CLSTN2: variants seen among roughly 807,000 people sequenced by gnomAD.
The protein encoded by CLSTN2 is calsyntenin-2.
A neutral mutation model predicts 101.2 loss-of-function variants in CLSTN2; 48 were observed. The ratio of observed to expected loss-of-function variants is 0.47; its 90% CI spans 0.38 to 0.60. The LOEUF is 0.60. Among genes scored for constraint, CLSTN2 ranks in the 20% least tolerant of loss-of-function variants. CLSTN2 has a pLI of 0.00. For synonymous variants in CLSTN2, 481 were observed against 463.6 expected (o/e 1.04, Z -0.48); for missense variants, 1,160 against 1,238.2 (o/e 0.94, Z 0.95).
intron 1 of CLSTN2, among the ~76,000 whole-genome samples, chr3:140,174,479 A>G (rs2010290290): frequency 3.3e-5 from 5 of 152,144 alleles, no homozygotes; most frequent in Admixed American, 3.3e-4. Context: ...AGTCACTTCC[A>G]CATTTTTGGG....
chr3:139,997,449 A>G (rs1234434138), intron 1 of CLSTN2, among the ~76,000 whole-genome samples: 1 of 152,242 alleles, frequency 6.6e-6, no homozygotes. Flanking sequence ...TTGCAGCTCC[A>G]TGGAGTGAAT....
chr3:140,348,871 C>T (rs1005003321), intron 2 of CLSTN2, among the ~76,000 whole-genome samples: 1 of 152,236 alleles, frequency 6.6e-6, no homozygotes. Context: ...AGTCTCTCCC[C>T]TGTTCTCCCA....
chr3:140,125,015 T>C (rs895790581), intron 1 of CLSTN2, among the ~76,000 whole-genome samples: 1 of 152,058 alleles, frequency 6.6e-6, no homozygotes, highest in African/African-American at 2.4e-5. Flanking sequence ...GAGTGATCCT[T>C]GCAGCAGTTG....
intron 1 of CLSTN2, among the ~76,000 whole-genome samples, chr3:140,108,780 A>C (rs556519545): frequency 6.6e-6 from 1 of 152,190 alleles, no homozygotes; most frequent in East Asian, 1.9e-4. Flanking sequence ...TAAATATGCT[A>C]TGTTCCCTCT....
At chr3:140,190,738 T>A (rs1217079258) in intron 2 of CLSTN2, among the ~76,000 whole-genome samples, 1 of 152,168 alleles carries the variant, frequency 6.6e-6, no homozygotes, top group African/African-American at 2.4e-5. Flanking sequence ...CATATAGACA[T>A]ACAATTTTTT....
intron 8 of CLSTN2, among the ~76,000 whole-genome samples, chr3:140,503,791 T>C (rs1934630459): frequency 6.6e-6 from 1 of 152,204 alleles, no homozygotes; most frequent in Non-Finnish European, 1.5e-5. Context: ...TTTTCTTGAT[T>C]CGGCTATAGC....
At chr3:140,422,744 C>T (rs1282529919) in intron 5 of CLSTN2, among the ~76,000 whole-genome samples, 3 of 152,164 alleles carry the variant, frequency 2.0e-5, no homozygotes, top group African/African-American at 4.8e-5. Flanking sequence ...GGAGCCTGAG[C>T]TCTGATTGGC....
At chr3:140,045,941 C>T (rs955022837) in intron 1 of CLSTN2, among the ~76,000 whole-genome samples, 5 of 152,098 alleles carry the variant, frequency 3.3e-5, no homozygotes, top group African/African-American at 4.8e-5. Context: ...CTTCCAACTA[C>T]GTGGTCAGTT....
chr3:140,204,798 G>C (rs528146555), intron 2 of CLSTN2, among the ~76,000 whole-genome samples: 1 of 152,146 alleles, frequency 6.6e-6, no homozygotes, highest in Non-Finnish European at 1.5e-5. Flanking sequence ...TATTCCCCTG[G>C]TTACTGCCAC....
chr3:140,436,122 G>T (rs2088685272), intron 5 of CLSTN2, among the ~76,000 whole-genome samples: 1 of 152,192 alleles, frequency 6.6e-6, no homozygotes, highest in Non-Finnish European at 1.5e-5. Flanking sequence ...TGTTGCCTGT[G>T]CTTGTGGGGT....
chr3:140,453,480 G>C (rs150812238), intron 6 of CLSTN2, among the ~76,000 whole-genome samples: 1 of 152,296 alleles, frequency 6.6e-6, no homozygotes, highest in East Asian at 1.9e-4. Context: ...TGAGTACTCA[G>C]ATGCTGTGCC....
intron 1 of CLSTN2, among the ~76,000 whole-genome samples, chr3:140,015,620 G>C (rs1048553738): frequency 2.0e-5 from 3 of 152,340 alleles, no homozygotes; most frequent in African/African-American, 7.2e-5. Flanking sequence ...CTAGTTGGAG[G>C]AACATCATGG....
intron 1 of CLSTN2, among the ~76,000 whole-genome samples, chr3:140,032,117 A>G (rs1009633516): frequency 3.3e-5 from 5 of 152,204 alleles, no homozygotes; most frequent in Admixed American, 2.0e-4. Context: ...CCATGAACAT[A>G]TTGCATAGAC....
intron 2 of CLSTN2, among the ~76,000 whole-genome samples, chr3:140,281,016 G>A (rs766462205): frequency 6.6e-6 from 1 of 152,192 alleles, no homozygotes; most frequent in Non-Finnish European, 1.5e-5. Context: ...CACATAATTA[G>A]CAATATCTGT....
At chr3:139,983,988 T>A (rs1935980621) in intron 1 of CLSTN2, among the ~76,000 whole-genome samples, 1 of 152,246 alleles carries the variant, frequency 6.6e-6, no homozygotes, top group Non-Finnish European at 1.5e-5. Context: ...CTTACATTTC[T>A]TTCTTTCATT....
At chr3:140,088,942 T>C (rs2008723088) in intron 1 of CLSTN2, among the ~76,000 whole-genome samples, 1 of 152,236 alleles carries the variant, frequency 6.6e-6, no homozygotes, top group African/African-American at 2.4e-5. Context: ...TTGCTAAAAC[T>C]TTATACTTTG....
intron 8 of CLSTN2, among the ~76,000 whole-genome samples, chr3:140,469,088 T>C (rs534333513): frequency 2.6e-5 from 4 of 152,220 alleles, no homozygotes; most frequent in Non-Finnish European, 5.9e-5. Flanking sequence ...TTGTGTGTTT[T>C]CTTCTTATGA....
rs541310259 is a variant in CLSTN2 at position 140,453,514 on chromosome 3, T to TAAAA, written c.973+4811_973+4814dup. On this transcript the variant is annotated intron_variant, in intron 6 of 16. Transcript: ENST00000458420. Reference sequence around the variant, plus strand: ...CCAACTCTTAAAATAATGTAGAGATTAAAAGATCATGTAGTTCTAGTGTTG... The same window carrying TAAAA: ...CCAACTCTTAAAATAATGTAGAGATTAAAAAAAAGATCATGTAGTTCTAGTGTTG... Among the ~76,000 whole-genome samples, 733 of 152,270 alleles carry TAAAA rather than the reference T, an allele frequency of 4.8e-3. 4 individuals carry two copies. The highest frequency in any genetic ancestry group is 0.016 in the African/African-American group (681 of 41,550).
rs1296899482 is a variant in CLSTN2, at chr3:139,935,700, G to A, written c.109+217G>A. On this transcript the variant is annotated intron_variant, in intron 1 of 16. Transcript: ENST00000458420. This position sits in a 1 kb window ranked among gnomAD's most constrained non-coding sequence, Gnocchi z 5.5. ...TCAACTCAACCCCTGGGCGGGGTCC[G>A]GGGGCTGAGCAGAAGGCGAGGTCTG... is the stretch of plus-strand genomic sequence containing the variant. Among the ~76,000 whole-genome samples, 1 of 152,158 alleles carries A rather than the reference G, an allele frequency of 6.6e-6. No individual in the cohort carries two copies. The highest frequency in any genetic ancestry group is 1.5e-5 in the Non-Finnish European group (1 of 68,038).
Sources: gnomAD v4.1 joint callset for allele counts (sites outside exome capture counted in the v4.1 genomes callset) on GRCh38, gnomAD v4.1.1 for gene constraint, Gnocchi (gnomAD v3.1) non-coding constraint, MANE v1.5 for transcripts, NCBI Gene and HGNC (gene_info 2026-07-23, HGNC 2026-07-21) for gene names.